The following RCAN2 variants were observed in gnomAD, a reference collection of about 807,000 sequenced individuals.
RCAN2 encodes regulator of calcineurin 2.
A neutral mutation model predicts 23.6 loss-of-function variants in RCAN2; 9 were observed. That is an observed-to-expected ratio of 0.38 (90% confidence interval 0.23 to 0.67). RCAN2 has a LOEUF of 0.67. RCAN2 is among the 30% of genes least tolerant of loss of function. The pLI is 0.51. For synonymous variants in RCAN2, 109 were observed against 115.7 expected, an observed-to-expected ratio of 0.94 and a Z score of 0.37; for missense variants, 273 against 302.3, an observed-to-expected ratio of 0.90 and a Z score of 0.72.
chr6:46,401,606 C>T (rs1766250151), intron 2 of RCAN2, among the ~76,000 whole-genome samples: 1 of 152,154 alleles, frequency 6.6e-6, no homozygotes, highest in South Asian at 2.1e-4. Flanking sequence ...TCAGTGTACT[C>T]AGGTCTGTTT....
At chr6:46,369,358 T>C (rs1032640086) in intron 2 of RCAN2, among the ~76,000 whole-genome samples, 3 of 152,246 alleles carry the variant, frequency 2.0e-5, no homozygotes, top group African/African-American at 7.2e-5. Context: ...TATACTATAG[T>C]AAACTGGTAA....
chr6:46,410,651 T>C (rs1766523907), intron 2 of RCAN2, among the ~76,000 whole-genome samples: 1 of 152,248 alleles, frequency 6.6e-6, no homozygotes. Flanking sequence ...GAATGTCTAT[T>C]CTAGGCGAGG....
intron 2 of RCAN2, among the ~76,000 whole-genome samples, chr6:46,323,217 A>T (rs1201683722): frequency 6.6e-6 from 1 of 152,178 alleles, no homozygotes; most frequent in East Asian, 1.9e-4. Flanking sequence ...GATGACAATG[A>T]TGACGATGGT....
intron 1 of RCAN2, among the ~76,000 whole-genome samples, chr6:46,458,460 C>G (rs1352798504): frequency 1.3e-5 from 2 of 151,982 alleles, no homozygotes; most frequent in Non-Finnish European, 2.9e-5. Flanking sequence ...GGTGATATCT[C>G]TAAAATCAAA....
At chr6:46,365,478 AAAAAGAAAAG>A (rs59257652) in intron 2 of RCAN2, among the ~76,000 whole-genome samples, 3,917 of 145,796 alleles carry the variant, frequency 0.027, 158 homozygotes, top group African/African-American at 0.089. Flanking sequence ...CTCCATCTCA[AAAAAGAAAAG>A]AAAAGAAAAG....
chr6:46,409,939 C>T (rs1328783317), intron 2 of RCAN2, among the ~76,000 whole-genome samples: 1 of 152,078 alleles, frequency 6.6e-6, no homozygotes, highest in Non-Finnish European at 1.5e-5. Flanking sequence ...CTGCTGTCAC[C>T]AACATGGGCA....
chr6:46,377,128 T>A (rs1765496303), intron 2 of RCAN2, among the ~76,000 whole-genome samples: 1 of 152,118 alleles, frequency 6.6e-6, no homozygotes, highest in Non-Finnish European at 1.5e-5. Context: ...ATACCCATGG[T>A]TATGCCGGGG....
chr6:46,241,186 A>C (rs1018016770), intron 4 of RCAN2, among the ~76,000 whole-genome samples: 4 of 152,182 alleles, frequency 2.6e-5, no homozygotes, highest in Non-Finnish European at 5.9e-5. Flanking sequence ...GGTGGAGATA[A>C]GCTATTTTGC....
intron 4 of RCAN2, among the ~76,000 whole-genome samples, chr6:46,246,310 G>T (rs1296444318): frequency 2.6e-5 from 4 of 152,164 alleles, no homozygotes; most frequent in Non-Finnish European, 4.4e-5. Flanking sequence ...TGGCAGGCAG[G>T]TTTTCTTGTA....
At chr6:46,471,832 T>C (rs1432278208) in intron 1 of RCAN2, among the ~76,000 whole-genome samples, 1 of 152,120 alleles carries the variant, frequency 6.6e-6, no homozygotes, top group Non-Finnish European at 1.5e-5. Flanking sequence ...AGATAATACA[T>C]GTAAAGCACT....
chr6:46,435,202 T>C (rs900772022), intron 2 of RCAN2, among the ~76,000 whole-genome samples: 1 of 152,230 alleles, frequency 6.6e-6, no homozygotes, highest in Non-Finnish European at 1.5e-5. Flanking sequence ...ACAGTGATTA[T>C]ATAGGATTCC....
At chr6:46,407,320 A>G (rs1766431048) in intron 2 of RCAN2, among the ~76,000 whole-genome samples, 1 of 152,226 alleles carries the variant, frequency 6.6e-6, no homozygotes, top group Non-Finnish European at 1.5e-5. Context: ...GCTGTTTTTA[A>G]AAATCACATC....
At chr6:46,237,237 T>A (rs1340109474) in intron 4 of RCAN2, among the ~76,000 whole-genome samples, 1 of 152,260 alleles carries the variant, frequency 6.6e-6, no homozygotes. Flanking sequence ...CCTTGCCTTG[T>A]TTTGTTTTGG....
intron 2 of RCAN2, among the ~76,000 whole-genome samples, chr6:46,323,698 T>C (rs1038272819): frequency 6.6e-6 from 1 of 152,218 alleles, no homozygotes; most frequent in Admixed American, 6.5e-5. Flanking sequence ...ACCACTCACA[T>C]ACAACCAGCT....
Position 46,405,146 on chromosome 6 carries a change from C to T in RCAN2, c.225+51606G>A, listed in dbSNP as rs187472722. On this transcript the variant is annotated intron_variant, in intron 2 of 4. Coordinates refer to ENST00000371374, the MANE Select transcript of RCAN2 (RefSeq NM_001251974.2). Reference sequence around the variant, plus strand: ...GCTCTTAAGGCGGCGCATCTGGAGTCTGTCCCTTCTGATGTTCAGATGTGT... The same window carrying T: ...GCTCTTAAGGCGGCGCATCTGGAGTTTGTCCCTTCTGATGTTCAGATGTGT... Among the ~76,000 whole-genome samples the T allele has an allele frequency of 1.0e-3, 152 of 152,270 alleles. 2 individuals carry two copies. Among genetic ancestry groups the T allele is most frequent in the African/African-American group, 3.5e-3 (147 of 41,552 alleles).
chr6:46,471,666 G>A (rs1399509122), intron 1 of RCAN2, among the ~76,000 whole-genome samples: 5 of 152,106 alleles, frequency 3.3e-5, no homozygotes, highest in African/African-American at 1.2e-4. Context: ...GAGTTCAGGG[G>A]AGAGGGGAAT....
chr6:46,345,305 G>T (rs1005202822), intron 2 of RCAN2, among the ~76,000 whole-genome samples: 3 of 151,916 alleles, frequency 2.0e-5, no homozygotes, highest in Non-Finnish European at 2.9e-5. Context: ...ATCACTGTTG[G>T]ATATTTTAAC....
At chr6:46,476,191 C>A (rs1534362) in intron 1 of RCAN2, among the ~76,000 whole-genome samples, 104,381 of 152,030 alleles carry the variant, frequency 0.69, 35,822 homozygotes, top group South Asian at 0.78. Context: ...CAGTTGCTCA[C>A]TGTCTCACAG....
In RCAN2 at chr6:46,410,193, T is replaced by G. The variant is rs192433024; in HGVS notation, c.225+46559A>C. Among the ~76,000 whole-genome samples, 143 of 152,292 alleles carry G rather than the reference T, an allele frequency of 9.4e-4. 3 individuals carry two copies. The highest frequency in any genetic ancestry group is 3.1e-3 in the African/African-American group (127 of 41,572). ...CTAAAAGTTATACCATTAGTTTCCC[T>G]GGTTCTGGGGCCTTCTGACTTGAAC... is the stretch of plus-strand genomic sequence containing the variant. On this transcript the variant is annotated intron_variant, in intron 2 of 4. Transcript: ENST00000371374.
Sources: allele counts gnomAD v4.1 joint callset (sites outside exome capture counted in the v4.1 genomes callset), GRCh38; gene constraint gnomAD v4.1.1; transcripts MANE v1.5; gene names NCBI Gene and HGNC (gene_info 2026-07-23, HGNC 2026-07-21).